The following HSPBAP1 variants were observed in gnomAD, a reference collection of about 807,000 sequenced individuals.
HSPBAP1 encodes the protein HSPB1 associated protein 1, also known as HSPB1-associated protein 1.
Under a neutral mutation model 45.2 loss-of-function variants are expected in HSPBAP1, and 27 were observed. That is an observed-to-expected ratio of 0.60 (90% confidence interval 0.44 to 0.82). HSPBAP1 has a LOEUF of 0.82. Among genes scored for constraint, HSPBAP1 ranks in the 40% least tolerant of loss-of-function variants. The pLI, the probability that HSPBAP1 is intolerant of heterozygous loss-of-function variation, is 0.00. For missense variants in HSPBAP1, 510 were observed against 590.9 expected (o/e 0.86, Z 1.42); for synonymous variants, 204 against 202.7 (o/e 1.01, Z -0.06).
At chr3:122,752,476 C>A in intron 6 of HSPBAP1, 115 bp downstream of exon 6, 2 of 606,218 alleles carry the variant, frequency 3.3e-6, no homozygotes, top group Non-Finnish European at 2.8e-6. Context: ...CAAAAAAATA[C>A]TGAAGCATTG....
chr3:122,743,662 G>C (rs1482259264), intron 6 of HSPBAP1, among the ~76,000 whole-genome samples: 1 of 152,176 alleles, frequency 6.6e-6, no homozygotes, highest in Non-Finnish European at 1.5e-5. Flanking sequence ...TGGTATATCA[G>C]TCAAGGTTCT....
Position 122,772,919 on chromosome 3 carries a change from C to T in HSPBAP1, c.251-4037G>A, listed in dbSNP as rs574536649. Among the ~76,000 whole-genome samples, 1,042 of 152,130 alleles carry T rather than the reference C, an allele frequency of 6.8e-3. 6 individuals are homozygous for T. The highest frequency in any genetic ancestry group is 9.4e-3 in the Non-Finnish European group (640 of 67,996). ...CATTGCCCAGGCTGGAGGGCAGTGG[C>T]GTGGTCAGAACTTTGAACTGCTGGG... On this transcript the variant is annotated intron_variant, in intron 2 of 7. Transcript: ENST00000306103.
intron 1 of HSPBAP1, among the ~76,000 whole-genome samples, chr3:122,781,465 G>GA (rs1454499359): frequency 6.6e-6 from 1 of 152,174 alleles, no homozygotes; most frequent in Non-Finnish European, 1.5e-5. Context: ...TGAGGCAGGA[G>GA]AATCAGGCAG....
intron 1 of HSPBAP1, among the ~76,000 whole-genome samples, chr3:122,787,952 A>G (rs572312732): frequency 6.6e-6 from 1 of 152,344 alleles, no homozygotes; most frequent in East Asian, 1.9e-4. Flanking sequence ...AAGTACAATG[A>G]CGGCTAACCA....
At position 122,775,611 on chromosome 3, in the gene HSPBAP1, G is replaced by A. The variant is rs547204884; in HGVS notation, c.250+2110C>T. On this transcript the variant is annotated intron_variant, in intron 2 of 7. Coordinates refer to ENST00000306103, the MANE Select transcript of HSPBAP1 (RefSeq NM_024610.6). ...TTACAGGCGTGAGCCACTGCGTCCG[G>A]CCTAGAATAGCTATAATTTTTAAAA... 2.6e-5 allele frequency among the ~76,000 whole-genome samples: 4 copies of A among 152,282 alleles called. No individual in the cohort carries two copies. The East Asian group carries it at 7.7e-4, about 29-fold the overall frequency.
intron 1 of HSPBAP1, among the ~76,000 whole-genome samples, chr3:122,779,573 C>A (rs968249501): frequency 2.0e-5 from 3 of 151,226 alleles, no homozygotes; most frequent in East Asian, 3.9e-4. Context: ...CTGGCAGGGT[C>A]ATAGGACAAT....
At chr3:122,772,848 CA>C (rs1935049038) in intron 2 of HSPBAP1, among the ~76,000 whole-genome samples, 2 of 150,826 alleles carry the variant, frequency 1.3e-5, no homozygotes, top group African/African-American at 4.9e-5. Context: ...TTTATTTTTT[CA>C]TTTTTTTTAC....
intron 3 of HSPBAP1, among the ~76,000 whole-genome samples, chr3:122,762,411 T>C (rs1934624897): frequency 6.6e-6 from 1 of 152,018 alleles, no homozygotes; most frequent in Non-Finnish European, 1.5e-5. Flanking sequence ...AGAACCTGTA[T>C]CCATGGAATT....
intron 6 of HSPBAP1, among the ~76,000 whole-genome samples, chr3:122,750,335 A>G (rs1934084333): frequency 6.6e-6 from 1 of 152,202 alleles, no homozygotes; most frequent in African/African-American, 2.4e-5. Context: ...AAATACAGAA[A>G]CAAATAAAAA....
chr3:122,761,010 GAC>G (rs1227496843), intron 3 of HSPBAP1, among the ~76,000 whole-genome samples: 1 of 152,136 alleles, frequency 6.6e-6, no homozygotes, highest in Non-Finnish European at 1.5e-5. Context: ...CAAGCGCTCT[GAC>G]ACAAGTATGC....
chr3:122,747,869 G>T (rs1002458650), intron 6 of HSPBAP1, among the ~76,000 whole-genome samples: 4 of 152,092 alleles, frequency 2.6e-5, no homozygotes, highest in East Asian at 3.9e-4. Flanking sequence ...CCGCCACCCC[G>T]TCTGGGAGGT....
intron 3 of HSPBAP1, among the ~76,000 whole-genome samples, chr3:122,764,027 CCTT>C (rs1934688933): frequency 6.6e-6 from 1 of 152,204 alleles, no homozygotes; most frequent in Non-Finnish European, 1.5e-5. Context: ...GGCTATGAAG[CCTT>C]CTCAACCGCT....
At chr3:122,748,629 T>TA (rs1336994008) in intron 6 of HSPBAP1, among the ~76,000 whole-genome samples, 1 of 152,170 alleles carries the variant, frequency 6.6e-6, no homozygotes, top group African/African-American at 2.4e-5. Context: ...CACTTTCACA[T>TA]ACTACTAATG....
intron 6 of HSPBAP1, among the ~76,000 whole-genome samples, chr3:122,746,825 G>C (rs541027372): frequency 4.6e-5 from 7 of 152,310 alleles, no homozygotes. Context: ...GCTGGTTTTC[G>C]TATTTTTTTG....
chr3:122,757,935 CTGAT>C (rs1934414376), intron 4 of HSPBAP1, among the ~76,000 whole-genome samples: 1 of 152,160 alleles, frequency 6.6e-6, no homozygotes, highest in East Asian at 1.9e-4. Flanking sequence ...CCACACTCAT[CTGAT>C]TGACTCTTGC....
chr3:122,746,683 C>T lies in HSPBAP1; in HGVS notation c.826-5570G>A, dbSNP rs549476658. 4.6e-5 allele frequency among the ~76,000 whole-genome samples: 7 copies of T among 151,612 alleles called. No individual in the cohort carries two copies. The East Asian group carries it at 7.8e-4, about 17-fold the overall frequency. On this transcript the variant is annotated intron_variant, in intron 6 of 7. Coordinates refer to ENST00000306103, the MANE Select transcript of HSPBAP1 (RefSeq NM_024610.6). Reference sequence around the variant, plus strand: ...CGGTCTCCCTCTCCCTCTCTTTCCACGGTCTCCCTCTGATGCCGAGCCGAA... The same window carrying T: ...CGGTCTCCCTCTCCCTCTCTTTCCATGGTCTCCCTCTGATGCCGAGCCGAA...
Position 122,777,822 on chromosome 3 carries a change from A to C in HSPBAP1, c.149T>G (p.Val50Gly). 6.2e-7 allele frequency: 1 copy of C among 1,613,808 alleles called. No homozygotes were observed. The highest frequency in any genetic ancestry group is 8.5e-7 in the Non-Finnish European group (1 of 1,179,730). The change falls in exon 2 of 8, where the codon GTG becomes GGG. Residue 50 changes from valine (V) to glycine (G), a missense_variant. By Grantham distance (109) the Val-to-Gly change is moderately radical. Transcript: ENST00000306103. ...LQQPAIFCNM[V>G]FDWPARHWNA... is the part of the protein sequence containing the mutation. The stretch of plus-strand genomic sequence containing the variant: ...CCAGTGTCGTGCTGGCCAATCAAAC[A>C]CCATGTTACAGAAGATTGCAGGTTG...
chr3:122,753,408 G>A (rs1246646292), intron 5 of HSPBAP1: 4 of 973,912 alleles, frequency 4.1e-6, no homozygotes, highest in Non-Finnish European at 2.4e-6. Flanking sequence ...ATTTTATCTG[G>A]TAGGCACTAG....
intron 2 of HSPBAP1, among the ~76,000 whole-genome samples, chr3:122,773,076 C>T (rs1415284988): frequency 6.6e-6 from 1 of 151,820 alleles, no homozygotes; most frequent in Non-Finnish European, 1.5e-5. Flanking sequence ...TTCTGGAACT[C>T]CCAGTCTCAA....
Sources: allele counts gnomAD v4.1 joint callset (sites outside exome capture counted in the v4.1 genomes callset), GRCh38; gene constraint gnomAD v4.1.1; transcripts MANE v1.5; gene names NCBI Gene and HGNC (gene_info 2026-07-23, HGNC 2026-07-21).